PPA2: variants seen among roughly 807,000 people sequenced by gnomAD.
PPA2 encodes the protein inorganic pyrophosphatase 2, mitochondrial.
Under a neutral mutation model 49.5 loss-of-function variants are expected in PPA2, and 48 were observed. The observed-to-expected ratio is 0.97, with a 90% CI of 0.77 to 1.23. The LOEUF (loss-of-function observed/expected upper bound fraction) is 1.23. Ranked by LOEUF, PPA2 falls within the 50% of genes most tolerant of loss-of-function variation. The probability of loss-of-function intolerance (pLI) is 0.00; values close to 1 mark genes in which losing one functional copy is unlikely to be tolerated. For synonymous variants in PPA2, 131 were observed against 139.9 expected (o/e 0.94, Z 0.45); for missense variants, 429 against 410.1 (o/e 1.05, Z -0.40).
At position 105,386,612 on chromosome 4, in the gene PPA2, G is replaced by A. The variant is rs764619473; in HGVS notation, c.894C>T (p.Ser298=). Residue 298 remains serine (S), a synonymous_variant, in exon 10 of 12, where the codon AGC becomes AGT. Coordinates refer to ENST00000341695, the MANE Select transcript of PPA2 (RefSeq NM_176869.3). Reference sequence around the variant, plus strand: ...CTTCCTCTTGAGTGCAACGGAAAGGGCTATCAGATATCTGCACGTTTGTGC... The same window carrying A: ...CTTCCTCTTGAGTGCAACGGAAAGGACTATCAGATATCTGCACGTTTGTGC... ...INCTNVQISD[S]PFRCTQEEAR... 8.7e-6 allele frequency: 14 copies of A among 1,612,470 alleles called. 1 individual carries two copies. Among genetic ancestry groups the A allele is most frequent in the Middle Eastern group, 1.7e-4 (1 of 6,046 alleles).
chr4:105,432,960 T>C (rs1723881550), intron 6 of PPA2, among the ~76,000 whole-genome samples: 1 of 152,186 alleles, frequency 6.6e-6, no homozygotes, highest in Non-Finnish European at 1.5e-5. Flanking sequence ...TATGTAAAAT[T>C]TGAAAATAAA....
At chr4:105,405,120 CAT>C (rs1158473039) in intron 7 of PPA2, 3 of 535,476 alleles carry the variant, frequency 5.6e-6, no homozygotes, top group Non-Finnish European at 7.2e-6. Flanking sequence ...AATACACAAA[CAT>C]GAGTTAATTT....
At chr4:105,418,886 T>A (rs111983308) in intron 7 of PPA2, among the ~76,000 whole-genome samples, 1 of 152,224 alleles carries the variant, frequency 6.6e-6, no homozygotes, top group Non-Finnish European at 1.5e-5. Context: ...TATCTGAAGC[T>A]GTACATTATA....
chr4:105,379,843 AG>A (rs1178728490), intron 10 of PPA2, among the ~76,000 whole-genome samples: 2 of 152,100 alleles, frequency 1.3e-5, no homozygotes, highest in African/African-American at 4.8e-5. Context: ...CATGTTGGCT[AG>A]GCTGGTCTTG....
At chr4:105,453,727 T>G in intron 2 of PPA2, 85 bp from the exon 3 acceptor site, 2 of 1,040,278 alleles carry the variant, frequency 1.9e-6, no homozygotes, top group Admixed American at 4.8e-5. Flanking sequence ...ATGACTATTG[T>G]ATAGACATTC....
chr4:105,464,613 G>A (rs1201133038), intron 1 of PPA2, among the ~76,000 whole-genome samples: 3 of 152,194 alleles, frequency 2.0e-5, no homozygotes, highest in Non-Finnish European at 4.4e-5. Context: ...TGTTGTGGGA[G>A]GAATCCTGGT....
In PPA2 at chr4:105,456,670, C is replaced by A; in HGVS notation, c.222+11G>T. On this transcript the variant is annotated intron_variant, in intron 2 of 11. Coordinates refer to ENST00000341695, the MANE Select transcript of PPA2 (RefSeq NM_176869.3). ...ACACGTTTTCATTCCCAAAACAAGTCAAAACAATACCTCTTTAGAGTTCAC... is the reference window on the plus strand; with the variant it reads ...ACACGTTTTCATTCCCAAAACAAGTAAAAACAATACCTCTTTAGAGTTCAC... 6.3e-7 allele frequency: 1 copy of A among 1,586,862 alleles called. No homozygotes were observed. The highest frequency in any genetic ancestry group is 1.1e-5 in the South Asian group (1 of 88,372).
intron 9 of PPA2, among the ~76,000 whole-genome samples, chr4:105,389,645 A>G (rs1455826925): frequency 6.6e-6 from 1 of 150,414 alleles, no homozygotes; most frequent in African/African-American, 2.5e-5. Flanking sequence ...TATAAAAATA[A>G]TAAAGTATAT....
chr4:105,468,738 G>T (rs1371732884), intron 1 of PPA2, among the ~76,000 whole-genome samples: 1 of 152,146 alleles, frequency 6.6e-6, no homozygotes, highest in African/African-American at 2.4e-5. Context: ...ACCATCAGGG[G>T]TCCTACTTCC....
At chr4:105,449,106 A>G (rs1011414758) in intron 4 of PPA2, among the ~76,000 whole-genome samples, 1 of 138,032 alleles carries the variant, frequency 7.2e-6, no homozygotes, top group Admixed American at 6.9e-5. Context: ...AGTCCTAGCT[A>G]CTTGGGAGGC....
At chr4:105,385,558 C>T (rs1040909703) in intron 10 of PPA2, among the ~76,000 whole-genome samples, 2 of 152,080 alleles carry the variant, frequency 1.3e-5, no homozygotes, top group African/African-American at 4.8e-5. Flanking sequence ...TAAATCTCAT[C>T]GTTCTTAAAA....
intron 3 of PPA2, among the ~76,000 whole-genome samples, chr4:105,451,518 G>C (rs554980751): frequency 5.9e-5 from 9 of 152,238 alleles, no homozygotes; most frequent in Admixed American, 2.0e-4. Context: ...GCTCTTTCAT[G>C]AGGTACCCCT....
intron 9 of PPA2, among the ~76,000 whole-genome samples, chr4:105,394,098 G>T (rs774531427): frequency 1.3e-5 from 2 of 152,090 alleles, no homozygotes; most frequent in Non-Finnish European, 2.9e-5. Flanking sequence ...CAGGTGTGGT[G>T]GCTCACGCCT....
intron 6 of PPA2, among the ~76,000 whole-genome samples, chr4:105,428,760 TATACCTAC>T (rs1723651076): frequency 6.6e-6 from 1 of 152,034 alleles, no homozygotes; most frequent in Non-Finnish European, 1.5e-5. Flanking sequence ...ATGGCACATA[TATACCTAC>T]GTAACAAAAC....
Position 105,374,858 on chromosome 4 carries a change from CTT to C in PPA2, c.940-3987_940-3986del, listed in dbSNP as rs377243001. On this transcript the variant is annotated intron_variant, in intron 10 of 11. Transcript: ENST00000341695. ...GACATTGTCTTTCTTTTTCTTTTTT[CTT>C]TTTTTTTTTTTTTTAGAGACGGGGT... 1.1e-3 allele frequency among the ~76,000 whole-genome samples: 146 copies of C among 131,728 alleles called. 2 individuals are homozygous for C. In the South Asian group the frequency reaches 0.025, roughly 23 times the overall value. 86.4% of individuals were successfully genotyped at this position (131,728 alleles called of 152,430 possible). A position where few individuals can be genotyped will look rare whatever the true frequency, so the allele number is the denominator to read the frequency against.
intron 1 of PPA2, among the ~76,000 whole-genome samples, chr4:105,473,019 C>T (rs1448518919): frequency 6.6e-6 from 1 of 152,168 alleles, no homozygotes; most frequent in Non-Finnish European, 1.5e-5. Flanking sequence ...GCCTCCAGAG[C>T]CAGTGCTCCG....
chr4:105,373,755 A>T (rs549062275), intron 10 of PPA2, among the ~76,000 whole-genome samples: 11 of 107,256 alleles, frequency 1.0e-4, no homozygotes, highest in Admixed American at 1.2e-4. Context: ...GCCATATGAT[A>T]TATATTTAAA....
chr4:105,379,477 A>G (rs1733394101), intron 10 of PPA2, among the ~76,000 whole-genome samples: 1 of 149,028 alleles, frequency 6.7e-6, no homozygotes, highest in Non-Finnish European at 1.5e-5. Context: ...ATCTCAAGCA[A>G]CTATTTTTAT....
Position 105,386,602 on chromosome 4 carries a change from A to G in PPA2, c.904T>C (p.Cys302Arg). The G allele has an allele frequency of 6.2e-7, 1 of 1,612,848 alleles. No homozygotes were observed. Among genetic ancestry groups the G allele is most frequent in the Non-Finnish European group, 8.5e-7 (1 of 1,179,114 alleles). The part of the protein sequence containing the change: ...NVQISDSPFR[C>R]TQEEARSLVE... ...AATGATCTTGCTTCCTCTTGAGTGC[A>G]ACGGAAAGGGCTATCAGATATCTGC... is the stretch of plus-strand genomic sequence containing the variant. The change falls in exon 10 of 12, where the codon TGC becomes CGC. Residue 302 changes from cysteine (C) to arginine (R), a missense_variant. By Grantham distance (180) the Cys-to-Arg change is radical. Transcript: ENST00000341695.
Sources: gnomAD v4.1 joint callset for allele counts (sites outside exome capture counted in the v4.1 genomes callset) on GRCh38, gnomAD v4.1.1 for gene constraint, MANE v1.5 for transcripts, NCBI Gene and HGNC (gene_info 2026-07-23, HGNC 2026-07-21) for gene names.